The following AGPAT4 variants were observed in gnomAD, a reference collection of about 807,000 sequenced individuals.
The protein encoded by AGPAT4 is 1-acylglycerol-3-phosphate O-acyltransferase 4.
A neutral mutation model predicts 48.0 loss-of-function variants in AGPAT4; 15 were observed. The observed-to-expected ratio is 0.31, with a 90% CI of 0.21 to 0.48. The LOEUF (loss-of-function observed/expected upper bound fraction) is 0.48. AGPAT4 is among the 20% of genes least tolerant of loss of function. The pLI, the probability that AGPAT4 is intolerant of heterozygous loss-of-function variation, is 0.99. For synonymous variants in AGPAT4, 178 were observed against 198.7 expected, an observed-to-expected ratio of 0.90 and a Z score of 0.88; for missense variants, 314 against 482.5, an observed-to-expected ratio of 0.65 and a Z score of 3.27.
At position 161,206,127 on chromosome 6, in the gene AGPAT4, G is replaced by A. The variant is rs1781372933; in HGVS notation, c.178+25909C>T. 6.6e-6 allele frequency among the ~76,000 whole-genome samples: 1 copy of A among 152,086 alleles called. No individual in the cohort carries two copies. The highest frequency in any genetic ancestry group is 2.4e-5 in the African/African-American group (1 of 41,388). ...CCTCCAGCTAAAGGATCAGGGAAGTGGCAGCCTAGCAAGACCGAAAACCTC... is the reference window on the plus strand; with the variant it reads ...CCTCCAGCTAAAGGATCAGGGAAGTAGCAGCCTAGCAAGACCGAAAACCTC... On this transcript the variant is annotated intron_variant, in intron 2 of 8. Transcript: ENST00000320285. This position sits in a 1 kb window ranked among gnomAD's most constrained non-coding sequence, Gnocchi z 4.8.
In AGPAT4 at chr6:161,141,029, G is replaced by A. The variant is rs1396622154; in HGVS notation, c.844-1409C>T. Among the ~76,000 whole-genome samples, 1 of 152,128 alleles carries A rather than the reference G, an allele frequency of 6.6e-6. No individual in the cohort carries two copies. Among genetic ancestry groups the A allele is most frequent in the African/African-American group, 2.4e-5 (1 of 41,408 alleles). On this transcript the variant is annotated intron_variant, in intron 7 of 8. Coordinates refer to ENST00000320285, the MANE Select transcript of AGPAT4 (RefSeq NM_020133.3). The surrounding 1 kb of genome is among the most constrained non-coding windows in gnomAD (Gnocchi z 6.7). ...GCTGAATATTTTCCTTTAACAACTT[G>A]AGATAGAAAAGTCTAAAGTATCTCA...
At chr6:161,250,837 T>C (rs1279638182) in intron 1 of AGPAT4, among the ~76,000 whole-genome samples, 1 of 152,186 alleles carries the variant, frequency 6.6e-6, no homozygotes, top group African/African-American at 2.4e-5. Flanking sequence ...CTTTATACAG[T>C]CTTACATTAA....
chr6:161,253,973 G>A (rs888165087), intron 1 of AGPAT4, among the ~76,000 whole-genome samples: 1 of 152,102 alleles, frequency 6.6e-6, no homozygotes, highest in African/African-American at 2.4e-5. Context: ...GCCTCATTCT[G>A]ACATGCACAC....
chr6:161,211,299 G>T (rs746080838), intron 2 of AGPAT4, among the ~76,000 whole-genome samples: 7 of 152,024 alleles, frequency 4.6e-5, no homozygotes, highest in Non-Finnish European at 7.4e-5. Flanking sequence ...TTTGCCAATA[G>T]AAAACATTCT....
In AGPAT4 at chr6:161,140,004, G is replaced by A. The variant is rs1562309133; in HGVS notation, c.844-384C>T. Among the ~76,000 whole-genome samples the A allele has an allele frequency of 6.6e-6, 1 of 152,236 alleles. No homozygotes were observed. Among genetic ancestry groups the A allele is most frequent in the Non-Finnish European group, 1.5e-5 (1 of 68,040 alleles). The stretch of plus-strand genomic sequence containing the variant: ...TGCCTTCCACGATAGGTCGGCGGGA[G>A]AATGGAGTGGATGCTGCGCCGAAGC... On this transcript the variant is annotated intron_variant, in intron 7 of 8. Coordinates refer to ENST00000320285, the MANE Select transcript of AGPAT4 (RefSeq NM_020133.3). This position sits in a 1 kb window ranked among gnomAD's most constrained non-coding sequence, Gnocchi z 6.5.
intron 5 of AGPAT4, among the ~76,000 whole-genome samples, chr6:161,151,380 C>T (rs557791536): frequency 6.6e-6 from 1 of 152,364 alleles, no homozygotes; most frequent in Non-Finnish European, 1.5e-5. Context: ...GCCTTGTTAA[C>T]TCTCCGTGAT....
intron 2 of AGPAT4, among the ~76,000 whole-genome samples, chr6:161,192,142 C>CTTTTTT (rs573872820): frequency 1.5e-4 from 7 of 45,654 alleles, no homozygotes; most frequent in East Asian, 6.9e-4. Flanking sequence ...AGAAGTTATA[C>CTTTTTT]TTTTTTTTTT....
rs1018215687 is a variant in AGPAT4, at chr6:161,221,065, G to A, written c.178+10971C>T. On this transcript the variant is annotated intron_variant, in intron 2 of 8. Transcript: ENST00000320285. The surrounding 1 kb of genome is among the most constrained non-coding windows in gnomAD (Gnocchi z 4.5). The stretch of plus-strand genomic sequence containing the variant: ...TCCCAAAGTGCTGGATTACAGGCAT[G>A]AGCCACCGCACCCGGCCCCAGACAG... Among the ~76,000 whole-genome samples the A allele has an allele frequency of 1.4e-4, 21 of 152,178 alleles. No individual in the cohort carries two copies. Among genetic ancestry groups the A allele is most frequent in the African/African-American group, 3.4e-4 (14 of 41,432 alleles).
intron 2 of AGPAT4, among the ~76,000 whole-genome samples, chr6:161,205,496 G>A (rs1347785145): frequency 8.5e-5 from 13 of 152,174 alleles, no homozygotes; most frequent in Admixed American, 8.5e-4. Context: ...GCCAGAGAGA[G>A]CAGAGGCACA....
In AGPAT4 at chr6:161,238,879, G is replaced by A. The variant is rs758047266; in HGVS notation, c.-89-6577C>T. Reference sequence around the variant, plus strand: ...CCTGTCAGCATGTGAAGAAGGTTGCGTTTGCTTCCCCTTCTGCCATGATTG... The same window carrying A: ...CCTGTCAGCATGTGAAGAAGGTTGCATTTGCTTCCCCTTCTGCCATGATTG... On this transcript the variant is annotated intron_variant, in intron 1 of 8. Coordinates refer to ENST00000320285, the MANE Select transcript of AGPAT4 (RefSeq NM_020133.3). The surrounding 1 kb of genome is among the most constrained non-coding windows in gnomAD (Gnocchi z 5.2). Among the ~76,000 whole-genome samples, 9 of 152,116 alleles carry A rather than the reference G, an allele frequency of 5.9e-5. No homozygotes were observed. Among genetic ancestry groups the A allele is most frequent in the Admixed American group, 1.3e-4 (2 of 15,262 alleles).
rs952341759 is a variant in AGPAT4 at position 161,226,753 on chromosome 6, G to A, written c.178+5283C>T. Among the ~76,000 whole-genome samples, 6 of 152,184 alleles carry A rather than the reference G, an allele frequency of 3.9e-5. No homozygotes were observed. The highest frequency in any genetic ancestry group is 7.3e-5 in the Non-Finnish European group (5 of 68,032). On this transcript the variant is annotated intron_variant, in intron 2 of 8. Coordinates refer to ENST00000320285, the MANE Select transcript of AGPAT4 (RefSeq NM_020133.3). This position sits in a 1 kb window ranked among gnomAD's most constrained non-coding sequence, Gnocchi z 6.3. ...CCCACAGAGAGGTTACCATAGAGGA[G>A]GCTCCTGAGAGGCCACCTTGCCTTC...
chr6:161,271,218 C>A (rs1783413036), intron 1 of AGPAT4, among the ~76,000 whole-genome samples: 1 of 152,190 alleles, frequency 6.6e-6, no homozygotes, highest in African/African-American at 2.4e-5. Flanking sequence ...AACCCTGAAC[C>A]ATGATCCATT....
At position 161,133,667 on chromosome 6, in the gene AGPAT4, A is replaced by G. The variant is rs1240520661; in HGVS notation, c.*2873T>C. ...CTTCTATAAGCTGCAGGAGTCGCCT[A>G]GGATATGGCCCGTCACGTCTGGGGA... is the stretch of plus-strand genomic sequence containing the variant. On this transcript the variant is annotated 3_prime_UTR_variant, in exon 9 of 9. Coordinates refer to ENST00000320285, the MANE Select transcript of AGPAT4 (RefSeq NM_020133.3). 6.6e-6 allele frequency: 1 copy of G among 152,236 alleles called. No individual in the cohort carries two copies. Among genetic ancestry groups the G allele is most frequent in the Non-Finnish European group, 1.5e-5 (1 of 68,058 alleles). 9.4% of individuals were successfully genotyped at this position (152,236 alleles called of 1,614,324 possible).
chr6:161,190,216 G>A (rs1780882692), intron 2 of AGPAT4, among the ~76,000 whole-genome samples: 1 of 152,140 alleles, frequency 6.6e-6, no homozygotes, highest in South Asian at 2.1e-4. Context: ...ATGACATTAT[G>A]CATTAGTCAA....
rs1416398912 is a variant in AGPAT4 at position 161,158,274 on chromosome 6, G to C, written c.349-3964C>G. On this transcript the variant is annotated intron_variant, in intron 3 of 8. Coordinates refer to ENST00000320285, the MANE Select transcript of AGPAT4 (RefSeq NM_020133.3). The surrounding 1 kb of genome is among the most constrained non-coding windows in gnomAD (Gnocchi z 5.3). ...GGTTCAATAGGCTATAACTATCATG[G>C]CTTTCCCAGGCCACTCAGAGGCTTC... 6.6e-6 allele frequency among the ~76,000 whole-genome samples: 1 copy of C among 152,172 alleles called. No individual in the cohort carries two copies. Among genetic ancestry groups the C allele is most frequent in the Non-Finnish European group, 1.5e-5 (1 of 68,034 alleles).
chr6:161,246,815 T>C lies in AGPAT4; in HGVS notation c.-89-14513A>G, dbSNP rs1782663533. 6.6e-6 allele frequency among the ~76,000 whole-genome samples: 1 copy of C among 152,242 alleles called. No individual in the cohort carries two copies. Among genetic ancestry groups the C allele is most frequent in the East Asian group, 1.9e-4 (1 of 5,196 alleles). ...TACAGAACAGATGCTCAATAAATAC[T>C]GATTCCATCTGAGTCTCTAGATGAC... On this transcript the variant is annotated intron_variant, in intron 1 of 8. Coordinates refer to ENST00000320285, the MANE Select transcript of AGPAT4 (RefSeq NM_020133.3). The surrounding 1 kb of genome is among the most constrained non-coding windows in gnomAD (Gnocchi z 5.5).
rs1327619510 is a variant in AGPAT4, at chr6:161,231,992, A to G, written c.178+44T>C. The G allele has an allele frequency of 8.2e-6, 13 of 1,581,706 alleles. No homozygotes were observed. Among genetic ancestry groups the G allele is most frequent in the Non-Finnish European group, 1.0e-5 (12 of 1,154,724 alleles). On this transcript the variant is annotated intron_variant, in intron 2 of 8. Transcript: ENST00000320285. This position sits in a 1 kb window ranked among gnomAD's most constrained non-coding sequence, Gnocchi z 5.3. ...ATCAAGAGCCATAATTCTGATACAC[A>G]CATCCACAATGGAGACGAAAATATA...
rs13197494 is a variant in AGPAT4, at chr6:161,171,942, C to T, written c.179-5525G>A. 0.084 allele frequency among the ~76,000 whole-genome samples: 12,729 copies of T among 152,090 alleles called. 658 individuals are homozygous for T. Among genetic ancestry groups the T allele is most frequent in the Non-Finnish European group, 0.12 (8,243 of 67,966 alleles). ...AACAAAAAACCAAAAGTTTCCAACACATGAACTCTGGGGGACACATTCAGA... is the reference window on the plus strand; with the variant it reads ...AACAAAAAACCAAAAGTTTCCAACATATGAACTCTGGGGGACACATTCAGA... On this transcript the variant is annotated intron_variant, in intron 2 of 8. Coordinates refer to ENST00000320285, the MANE Select transcript of AGPAT4 (RefSeq NM_020133.3). This position sits in a 1 kb window ranked among gnomAD's most constrained non-coding sequence, Gnocchi z 4.4.
At chr6:161,230,275 G>A (rs1782089537) in intron 2 of AGPAT4, among the ~76,000 whole-genome samples, 1 of 152,006 alleles carries the variant, frequency 6.6e-6, no homozygotes, top group Non-Finnish European at 1.5e-5. Context: ...AATCCAATTC[G>A]TAACCATCCA....
Sources: gnomAD v4.1 joint callset for allele counts (sites outside exome capture counted in the v4.1 genomes callset) on GRCh38, gnomAD v4.1.1 for gene constraint, Gnocchi (gnomAD v3.1) non-coding constraint, MANE v1.5 for transcripts, NCBI Gene and HGNC (gene_info 2026-07-23, HGNC 2026-07-21) for gene names.